ZNF560: variants seen among roughly 807,000 people sequenced by gnomAD.
ZNF560 encodes the protein zinc finger protein 560.
A neutral mutation model predicts 81.8 loss-of-function variants in ZNF560; 54 were observed. That is an observed-to-expected ratio of 0.66 (90% CI 0.53 to 0.83). ZNF560 has a LOEUF of 0.83. ZNF560 is among the 40% of genes least tolerant of loss of function. The pLI, the probability that ZNF560 is intolerant of heterozygous loss-of-function variation, is 0.00. For synonymous variants in ZNF560, 321 were observed against 317.9 expected, an observed-to-expected ratio of 1.01 and a Z score of -0.10; for missense variants, 940 against 932.4, an observed-to-expected ratio of 1.01 and a Z score of -0.11.
At position 9,471,693 on chromosome 19, in the gene ZNF560, T is replaced by C. The variant is rs550903904; in HGVS notation, c.239-315A>G. On this transcript the variant is annotated intron_variant, in intron 5 of 9. Transcript: ENST00000301480. ...AGCAAAGAACTTGAAAAACAAAATA[T>C]ATAGTTTCATAAGATCATAGAAAGT... is the stretch of plus-strand genomic sequence containing the variant. Among the ~76,000 whole-genome samples the C allele has an allele frequency of 3.3e-5, 5 of 152,298 alleles. No homozygotes were observed. In the South Asian group the frequency reaches 6.2e-4, roughly 19 times the overall value.
At chr19:9,503,344 G>A (rs2073646713), upstream of ZNF560, among the ~76,000 whole-genome samples, 3 of 151,940 alleles carry the variant, frequency 2.0e-5, no homozygotes, top group Admixed American at 1.3e-4. Flanking sequence ...TTTTGTTGTT[G>A]TTGTTGTTTG....
At chr19:9,497,545 A>C (rs1261808522) in intron 2 of ZNF560, among the ~76,000 whole-genome samples, 1 of 151,802 alleles carries the variant, frequency 6.6e-6, no homozygotes, top group Non-Finnish European at 1.5e-5. Flanking sequence ...AAAAAAAAAA[A>C]AAAAAAAAAA....
chr19:9,466,810 T>G lies in ZNF560; in HGVS notation c.2137A>C (p.Lys713Gln), dbSNP rs147160704. ...AAGGCTTTCCCACAGTCCTTACATTTATAGGGTTTTATTTTGGTGAGAGTT... is the reference window on the plus strand; with the variant it reads ...AAGGCTTTCCCACAGTCCTTACATTGATAGGGTTTTATTTTGGTGAGAGTT... ...LKTLTKIKPY[K>Q]CKDCGKAFTC... Residue 713 changes from lysine (K) to glutamine (Q), a missense_variant, in exon 10 of 10, where the codon AAA becomes CAA. Transcript: ENST00000301480. The G allele has an allele frequency of 1.9e-6, 3 of 1,611,026 alleles. No homozygotes were observed. Among genetic ancestry groups the G allele is most frequent in the Non-Finnish European group, 2.5e-6 (3 of 1,179,132 alleles).
At chr19:9,488,666 T>C (rs2144720825) in intron 2 of ZNF560, among the ~76,000 whole-genome samples, 1 of 151,990 alleles carries the variant, frequency 6.6e-6, no homozygotes, top group Middle Eastern at 3.4e-3. Flanking sequence ...CCAGGGAACA[T>C]GTATGGGATG....
intron 8 of ZNF560, 64 bp downstream of exon 8, chr19:9,469,566 C>A (rs992792467): frequency 1.4e-6 from 2 of 1,468,544 alleles, no homozygotes; most frequent in African/African-American, 1.4e-5. Flanking sequence ...TATAAAACTT[C>A]ATTGTGCTTC....
chr19:9,490,703 TC>T (rs1487555519), intron 2 of ZNF560, among the ~76,000 whole-genome samples: 1 of 152,196 alleles, frequency 6.6e-6, no homozygotes, highest in African/African-American at 2.4e-5. Context: ...ATTAGGTGTG[TC>T]CCATAAGCCA....
chr19:9,470,582 T>C, intron 6 of ZNF560, 64 bp from the exon 7 acceptor site: 2 of 1,613,206 alleles, frequency 1.2e-6, no homozygotes, highest in Non-Finnish European at 1.7e-6. Flanking sequence ...GGCTGAAGAA[T>C]GAGGAAGGGG....
the ZNF560 span, among the ~76,000 whole-genome samples, chr19:9,453,307 C>T: frequency 1.3e-5 from 2 of 152,170 alleles, no homozygotes; most frequent in Non-Finnish European, 2.9e-5. Context: ...ATTTCTGTTG[C>T]TTAAGCCATC....
At chr19:9,493,734 T>A (rs1233979367) in intron 2 of ZNF560, among the ~76,000 whole-genome samples, 2 of 152,192 alleles carry the variant, frequency 1.3e-5, no homozygotes, top group East Asian at 3.8e-4. Context: ...TTCACTTCTG[T>A]CTCTTTTCTA....
Position 9,467,678 on chromosome 19 carries a change from T to C in ZNF560, c.1269A>G (p.Ile423Met). 6.2e-7 allele frequency: 1 copy of C among 1,613,920 alleles called. No individual in the cohort carries two copies. Among genetic ancestry groups the C allele is most frequent in the Non-Finnish European group, 8.5e-7 (1 of 1,179,920 alleles). The change falls in exon 10 of 10, where the codon ATA becomes ATG. Residue 423 changes from isoleucine to methionine, a missense_variant. Physicochemically the swap from Ile to Met is conservative, Grantham distance 10. Coordinates refer to ENST00000301480, the MANE Select transcript of ZNF560 (RefSeq NM_152476.3). Reference sequence around the variant, plus strand: ...AGGTTTTCTCTCTGGCGTGACATCTTATATGTTCAATAAGGCCTGCAGATG... The same window carrying C: ...AGGTTTTCTCTCTGGCGTGACATCTCATATGTTCAATAAGGCCTGCAGATG... ...FGTSAGLIEH[I>M]RCHAREKTFK... is the part of the protein sequence containing the mutation.
chr19:9,474,786 G>A (rs1402418929), intron 3 of ZNF560, among the ~76,000 whole-genome samples: 1 of 149,160 alleles, frequency 6.7e-6, no homozygotes, highest in Non-Finnish European at 1.5e-5. Context: ...AGCCTCCTGA[G>A]TAGCTAGGAC....
intron 2 of ZNF560, among the ~76,000 whole-genome samples, chr19:9,482,453 A>AGAAGGAAGGAAG (rs550271982): frequency 1.3e-5 from 2 of 148,528 alleles, no homozygotes; most frequent in South Asian, 2.1e-4. Context: ...GGGAAGGGGG[A>AGAAGGAAGGAAG]GAAGGAAGGA....
chr19:9,453,605 A>C, the ZNF560 span, among the ~76,000 whole-genome samples: 2 of 152,206 alleles, frequency 1.3e-5, 1 homozygote, highest in South Asian at 4.1e-4. Flanking sequence ...CTCTTGCCAA[A>C]ACAGACTTAA....
downstream of ZNF560, among the ~76,000 whole-genome samples, chr19:9,462,232 T>C (rs1027105621): frequency 7.9e-5 from 12 of 152,032 alleles, no homozygotes; most frequent in Admixed American, 3.9e-4. Context: ...ACACTGGAGG[T>C]TGCTGGTTCA....
At chr19:9,465,444 CTA>C (rs1199293454), downstream of ZNF560, among the ~76,000 whole-genome samples, 2 of 152,144 alleles carry the variant, frequency 1.3e-5, no homozygotes, top group African/African-American at 2.4e-5. Flanking sequence ...GGCCAGCTCT[CTA>C]TGTTTCTAAC....
rs1468535880 is a variant in ZNF560 at position 9,467,273 on chromosome 19, A to G, written c.1674T>C (p.Tyr558=). 6.2e-7 allele frequency: 1 copy of G among 1,614,094 alleles called. No homozygotes were observed. Among genetic ancestry groups the G allele is most frequent in the East Asian group, 2.2e-5 (1 of 44,866 alleles). The change falls in exon 10 of 10, where the codon TAT becomes TAC. Residue 558 remains tyrosine (Y), a synonymous_variant. Transcript: ENST00000301480. Reference sequence around the variant, plus strand: ...CGTGTGTTCGTAAATGTTTGGTAAGATATGAGCACTTAGTGAAAGCTTTAC... The same window carrying G: ...CGTGTGTTCGTAAATGTTTGGTAAGGTATGAGCACTTAGTGAAAGCTTTAC... ...KCGKAFTKCS[Y]LTKHLRTHAG...
At chr19:9,470,883 C>T (rs936494912) in intron 6 of ZNF560, among the ~76,000 whole-genome samples, 1 of 152,194 alleles carries the variant, frequency 6.6e-6, no homozygotes, top group Non-Finnish European at 1.5e-5. Flanking sequence ...ACCATCTGTC[C>T]TAGCACCCAG....
upstream of ZNF560, among the ~76,000 whole-genome samples, chr19:9,501,812 TA>T (rs2073635787): frequency 6.6e-6 from 1 of 152,130 alleles, no homozygotes; most frequent in African/African-American, 2.4e-5. Flanking sequence ...AGATATTTTT[TA>T]TCTGGCTTCA....
At chr19:9,494,628 C>T (rs1373512835) in intron 2 of ZNF560, among the ~76,000 whole-genome samples, 2 of 151,928 alleles carry the variant, frequency 1.3e-5, no homozygotes, top group African/African-American at 2.4e-5. Context: ...CCCAGCTACT[C>T]GGGAAGATGA....
Sources: gnomAD v4.1 joint callset for allele counts (sites outside exome capture counted in the v4.1 genomes callset) on GRCh38, gnomAD v4.1.1 for gene constraint, MANE v1.5 for transcripts, NCBI Gene and HGNC (gene_info 2026-07-23, HGNC 2026-07-21) for gene names.